Variants in FILIP1L observed in about 807,000 individuals in gnomAD.
FILIP1L encodes the protein filamin A-interacting protein 1-like.
FILIP1L carries 55 observed loss-of-function variants against 96.6 expected under a neutral mutation model. That is an observed-to-expected ratio of 0.57 (90% CI 0.46 to 0.71). FILIP1L has a LOEUF of 0.71. FILIP1L is among the 30% of genes least tolerant of loss of function. The pLI is 0.00. For missense variants in FILIP1L, 1,304 were observed against 1,321.2 expected, an observed-to-expected ratio of 0.99 and a Z score of 0.20; for synonymous variants, 467 against 473.9, an observed-to-expected ratio of 0.99 and a Z score of 0.19.
chr3:100,060,629 C>T (rs1449411953), intron 1 of FILIP1L, among the ~76,000 whole-genome samples: 1 of 152,020 alleles, frequency 6.6e-6, no homozygotes, highest in African/African-American at 2.4e-5. Context: ...CTGAAGCAGA[C>T]AGATACCTTG....
At chr3:99,980,120 A>G (rs546636388) in intron 1 of FILIP1L, among the ~76,000 whole-genome samples, 1 of 152,196 alleles carries the variant, frequency 6.6e-6, no homozygotes, top group Non-Finnish European at 1.5e-5. Flanking sequence ...GCAGTACAGT[A>G]CGGACTATAT....
chr3:99,861,473 C>T (rs1465707759), intron 4 of FILIP1L, among the ~76,000 whole-genome samples: 2 of 152,204 alleles, frequency 1.3e-5, no homozygotes, highest in Non-Finnish European at 2.9e-5. Flanking sequence ...TGATGGTGCT[C>T]CTCCTGGGCT....
In FILIP1L at chr3:100,106,695, T is replaced by C. The variant is rs75525348; in HGVS notation, c.-11+7358A>G. On this transcript the variant is annotated intron_variant, in intron 1 of 5. Coordinates refer to ENST00000477258, the MANE Select transcript of FILIP1L (RefSeq NM_001387850.1). ...TAAAGCATGTTGCTCACCTTCCTGC[T>C]GTAAATGTAAGCTTCCTTTTGAATG... 7.5e-3 allele frequency among the ~76,000 whole-genome samples: 1,146 copies of C among 152,322 alleles called. 21 individuals are homozygous for C. Among genetic ancestry groups the C allele is most frequent in the African/African-American group, 0.027 (1,103 of 41,580 alleles).
chr3:99,995,331 A>G (rs1179751120), intron 1 of FILIP1L, among the ~76,000 whole-genome samples: 1 of 152,202 alleles, frequency 6.6e-6, no homozygotes, highest in Non-Finnish European at 1.5e-5. Context: ...TCTCACATCC[A>G]GGTCACACTG....
At chr3:100,087,832 C>CT (rs755041519) in intron 1 of FILIP1L, among the ~76,000 whole-genome samples, 2,595 of 114,092 alleles carry the variant, frequency 0.023, 73 homozygotes, top group African/African-American at 0.047. Context: ...ATTGTTTCAA[C>CT]TTTTTTTTTT....
intron 4 of FILIP1L, among the ~76,000 whole-genome samples, chr3:99,863,137 A>G (rs976997170): frequency 2.0e-5 from 3 of 152,068 alleles, no homozygotes; most frequent in Admixed American, 6.6e-5. Context: ...GTGGTGGTGG[A>G]TGGTTTTGGG....
intron 4 of FILIP1L, among the ~76,000 whole-genome samples, chr3:99,866,527 G>C (rs1345305102): frequency 6.6e-6 from 1 of 152,164 alleles, no homozygotes; most frequent in Non-Finnish European, 1.5e-5. Context: ...TTGATCCTTA[G>C]AGGACTTTTT....
chr3:100,065,614 C>T (rs1020492598), intron 1 of FILIP1L, among the ~76,000 whole-genome samples: 2 of 152,200 alleles, frequency 1.3e-5, no homozygotes, highest in Non-Finnish European at 2.9e-5. Context: ...AAAGTATTCA[C>T]TTTAACCATT....
intron 1 of FILIP1L, among the ~76,000 whole-genome samples, chr3:100,032,836 T>TTAA (rs905311726): frequency 6.6e-6 from 1 of 152,122 alleles, no homozygotes; most frequent in Non-Finnish European, 1.5e-5. Context: ...GATAACATAA[T>TTAA]TAACTATTTT....
intron 1 of FILIP1L, among the ~76,000 whole-genome samples, chr3:99,975,168 A>C (rs1325615305): frequency 2.0e-5 from 3 of 152,150 alleles, no homozygotes; most frequent in African/African-American, 7.2e-5. Flanking sequence ...CCCCGCTCCA[A>C]TCTACCAGAT....
chr3:99,850,357 T>C lies in FILIP1L; in HGVS notation c.1319A>G (p.Glu440Gly). The C allele has an allele frequency of 1.9e-6, 3 of 1,612,970 alleles. No homozygotes were observed. The highest frequency in any genetic ancestry group is 2.5e-6 in the Non-Finnish European group (3 of 1,179,822). Residue 440 changes from glutamate to glycine, a missense_variant, in exon 5 of 6, where the codon GAA (glutamate) becomes GGA (glycine). By Grantham distance (98) the Glu-to-Gly change is moderately conservative. Transcript: ENST00000477258. Reference sequence around the variant, plus strand: ...TAAATTGCATTTCAGAGAGTAGCATTCTTGTTTGCTTTTGTTGAAAGCGTC... The same window carrying C: ...TAAATTGCATTTCAGAGAGTAGCATCCTTGTTTGCTTTTGTTGAAAGCGTC... Reference protein sequence around the residue: ...LEDAFNKSKQECYSLKCNLEK... With the variant: ...LEDAFNKSKQGCYSLKCNLEK...
chr3:100,082,972 G>T (rs2065954754), intron 1 of FILIP1L, among the ~76,000 whole-genome samples: 1 of 152,120 alleles, frequency 6.6e-6, no homozygotes, highest in South Asian at 2.1e-4. Flanking sequence ...TGCCCTTGTG[G>T]TTTTATTTAA....
At chr3:100,087,993 G>A (rs1322411703) in intron 1 of FILIP1L, among the ~76,000 whole-genome samples, 1 of 151,966 alleles carries the variant, frequency 6.6e-6, no homozygotes, top group Non-Finnish European at 1.5e-5. Context: ...ACCATGCCTG[G>A]CTAATTTTTA....
chr3:100,027,158 A>G (rs1453232362), intron 1 of FILIP1L, among the ~76,000 whole-genome samples: 1 of 151,548 alleles, frequency 6.6e-6, no homozygotes, highest in African/African-American at 2.4e-5. Flanking sequence ...CTTCCTCTCC[A>G]CCTTCTCTGC....
At chr3:100,058,035 A>G (rs1407477801) in intron 1 of FILIP1L, among the ~76,000 whole-genome samples, 2 of 152,178 alleles carry the variant, frequency 1.3e-5, no homozygotes, top group African/African-American at 2.4e-5. Flanking sequence ...TCTCCCACTC[A>G]TGCCTCAAAG....
At chr3:99,904,420 G>A (rs1294054809) in intron 4 of FILIP1L, among the ~76,000 whole-genome samples, 2 of 152,144 alleles carry the variant, frequency 1.3e-5, no homozygotes, top group African/African-American at 2.4e-5. Context: ...AGTGTTTTCA[G>A]CCCTAGCATT....
intron 1 of FILIP1L, among the ~76,000 whole-genome samples, chr3:100,013,924 A>C (rs1335500393): frequency 6.6e-6 from 1 of 152,112 alleles, no homozygotes; most frequent in African/African-American, 2.4e-5. Context: ...TGTCTAACTG[A>C]AACTGTGTAC....
intron 1 of FILIP1L, among the ~76,000 whole-genome samples, chr3:100,037,961 G>GT (rs1293985998): frequency 7.5e-5 from 10 of 132,460 alleles, no homozygotes; most frequent in African/African-American, 2.6e-4. Context: ...TTTTTTGGGG[G>GT]GGGAGGGAAC....
At chr3:100,009,073 T>G (rs1423609061) in intron 1 of FILIP1L, among the ~76,000 whole-genome samples, 1 of 152,220 alleles carries the variant, frequency 6.6e-6, no homozygotes, top group African/African-American at 2.4e-5. Context: ...TGCAGTAGAC[T>G]TAAAAGGAAA....
Sources: allele counts gnomAD v4.1 joint callset (sites outside exome capture counted in the v4.1 genomes callset), GRCh38; gene constraint gnomAD v4.1.1; transcripts MANE v1.5; gene names NCBI Gene and HGNC (gene_info 2026-07-23, HGNC 2026-07-21).